CGGBP1: variants seen among roughly 807,000 people sequenced by gnomAD.
CGGBP1 encodes CGG triplet repeat-binding protein 1.
Under a neutral mutation model 11.4 loss-of-function variants are expected in CGGBP1, and 4 were observed. That is an observed-to-expected ratio of 0.35 (90% CI 0.17 to 0.80). CGGBP1 has a LOEUF of 0.80. Among genes scored for constraint, CGGBP1 ranks in the 30% least tolerant of loss-of-function variants. CGGBP1 has a pLI of 0.52. For synonymous variants in CGGBP1, 76 were observed against 74.1 expected, an observed-to-expected ratio of 1.03 and a Z score of -0.13; for missense variants, 135 against 202.1, an observed-to-expected ratio of 0.67 and a Z score of 2.01.
intron 2 of CGGBP1, among the ~76,000 whole-genome samples, chr3:88,137,962 A>G (rs892149160): frequency 6.6e-6 from 1 of 152,144 alleles, no homozygotes; most frequent in Non-Finnish European, 1.5e-5. Context: ...AAGCCTTTAG[A>G]TTATTCCAAA....
At chr3:88,121,783 C>A (rs1012491107) in intron 2 of CGGBP1, among the ~76,000 whole-genome samples, 1 of 152,006 alleles carries the variant, frequency 6.6e-6, no homozygotes, top group African/African-American at 2.4e-5. Context: ...TATTGAAGAC[C>A]TTTTACATTT....
chr3:88,140,949 G>A (rs1422228171), intron 2 of CGGBP1: 1 of 1,613,426 alleles, frequency 6.2e-7, no homozygotes, highest in Admixed American at 1.7e-5. Context: ...ATTAAGATGT[G>A]GCAAATGCCT....
chr3:88,121,236 A>G (rs1365140535), intron 2 of CGGBP1, among the ~76,000 whole-genome samples: 5 of 152,296 alleles, frequency 3.3e-5, no homozygotes, highest in South Asian at 2.1e-4. Context: ...CCTAAAGTCA[A>G]TCTATGTTTT....
At chr3:88,059,655 C>A, upstream of CGGBP1, 1 of 1,239,570 alleles carries the variant, frequency 8.1e-7, no homozygotes, top group Non-Finnish European at 1.0e-6. Context: ...CTCCACTTAT[C>A]CGGCTTGGGG....
chr3:88,106,693 C>G (rs1704760726), intron 2 of CGGBP1, among the ~76,000 whole-genome samples: 1 of 151,990 alleles, frequency 6.6e-6, no homozygotes, highest in Non-Finnish European at 1.5e-5. Context: ...TTGTTTAATG[C>G]TTTTTTAAGC....
At chr3:88,141,761 G>C in intron 1 of CGGBP1, 1 of 812,968 alleles carries the variant, frequency 1.2e-6, no homozygotes, top group East Asian at 2.9e-5. Flanking sequence ...TTTTAGAGTG[G>C]TCTTGGATTA....
At chr3:88,106,282 T>G (rs899818656) in intron 2 of CGGBP1, among the ~76,000 whole-genome samples, 5 of 152,196 alleles carry the variant, frequency 3.3e-5, no homozygotes, top group Non-Finnish European at 7.4e-5. Flanking sequence ...ATTATTGTTA[T>G]AGGGATGTTA....
chr3:88,059,456 G>A (rs1423699173), upstream of CGGBP1: 19 of 1,522,916 alleles, frequency 1.2e-5, no homozygotes, highest in Admixed American at 2.3e-4. Flanking sequence ...GGCAACTGCG[G>A]CGGCGGCGTC....
upstream of CGGBP1, chr3:88,059,612 C>G (rs762156812): frequency 7.2e-7 from 1 of 1,395,486 alleles, no homozygotes; most frequent in Non-Finnish European, 9.3e-7. Context: ...GCCCGCTCCT[C>G]CCCAACAAGG....
intron 2 of CGGBP1, chr3:88,129,553 G>A: frequency 1.5e-6 from 1 of 683,632 alleles, no homozygotes; most frequent in Non-Finnish European, 2.3e-6. Flanking sequence ...AAATATTTCT[G>A]TACAAGTCAT....
intron 2 of CGGBP1, chr3:88,139,118 A>G: frequency 7.8e-7 from 1 of 1,274,250 alleles, no homozygotes; most frequent in Non-Finnish European, 9.9e-7. Context: ...AAAATAATGC[A>G]GGTAATCTAA....
chr3:88,075,679 C>T (rs1179528493), intron 2 of CGGBP1, among the ~76,000 whole-genome samples: 1 of 152,196 alleles, frequency 6.6e-6, no homozygotes, highest in Non-Finnish European at 1.5e-5. Flanking sequence ...TAGGATATGT[C>T]ATTTCAGATA....
intron 2 of CGGBP1, among the ~76,000 whole-genome samples, chr3:88,081,455 T>C (rs1708072061): frequency 3.9e-5 from 6 of 152,218 alleles, no homozygotes; most frequent in Admixed American, 3.9e-4. Context: ...GCAACATTTG[T>C]CATTGTGGTG....
Position 88,055,511 on chromosome 3 carries a change from C to A in CGGBP1, c.466G>T (p.Glu156Ter). Residue 156 changes from glutamate (E) to a stop codon, truncating the protein, a stop_gained, in exon 4 of 4, where the codon GAG (glutamate) becomes TAG (stop). Coordinates refer to ENST00000482016, the MANE Select transcript of CGGBP1 (RefSeq NM_001008390.2). LOFTEE classifies it high-confidence loss of function. The surrounding 1 kb of genome is among the most constrained non-coding windows in gnomAD (Gnocchi z 4.2). Reference protein sequence around the residue: ...LRRAYLPDGYENENQLLNSQD... With the variant: ...LRRAYLPDGY The stretch of plus-strand genomic sequence containing the variant: ...GAGTTGAGGAGTTGATTCTCATTCT[C>A]ATATCCATCAGGAAGATATGCCCTC... 1 of 1,539,392 alleles carries A rather than the reference C, an allele frequency of 6.5e-7. No homozygotes were observed. Among genetic ancestry groups the A allele is most frequent in the Non-Finnish European group, 8.8e-7 (1 of 1,142,098 alleles).
At chr3:88,059,576 G>T, upstream of CGGBP1, 1 of 1,442,384 alleles carries the variant, frequency 6.9e-7, no homozygotes, top group Non-Finnish European at 9.0e-7. Context: ...TGGTCTTCTC[G>T]TCCATGAATC....
At chr3:88,119,228 CT>C (rs1705607211) in intron 2 of CGGBP1, among the ~76,000 whole-genome samples, 1 of 148,174 alleles carries the variant, frequency 6.7e-6, no homozygotes, top group Admixed American at 6.7e-5. Flanking sequence ...AGTTCATGTC[CT>C]TTGTAGGGAC....
chr3:88,060,088 A>G (rs1338838476), upstream of CGGBP1, among the ~76,000 whole-genome samples: 1 of 151,774 alleles, frequency 6.6e-6, no homozygotes, highest in Non-Finnish European at 1.5e-5. Flanking sequence ...CTTTTTTCGG[A>G]CAGAGAGTGC....
Position 88,055,057 on chromosome 3 carries a change from A to T in CGGBP1, c.*416T>A, listed in dbSNP as rs1442993874. ...ATCCTCTAAAGAAAATAATTCCTTT[A>T]AGTTACTGTTAAGTGGTGTTGCCTG... On this transcript the variant is annotated 3_prime_UTR_variant, in exon 4 of 4. Coordinates refer to ENST00000482016, the MANE Select transcript of CGGBP1 (RefSeq NM_001008390.2). This position sits in a 1 kb window ranked among gnomAD's most constrained non-coding sequence, Gnocchi z 4.2. 1.3e-5 allele frequency: 2 copies of T among 155,166 alleles called. No individual in the cohort carries two copies. Among genetic ancestry groups the T allele is most frequent in the African/African-American group, 4.8e-5 (2 of 41,572 alleles). The allele number at this position is 155,166 out of a possible 1,614,324, so 9.6% of individuals were successfully genotyped here. A position where few individuals can be genotyped will look rare whatever the true frequency, so the allele number is the denominator to read the frequency against.
chr3:88,092,125 A>G (rs1354329799), intron 2 of CGGBP1, among the ~76,000 whole-genome samples: 1 of 152,216 alleles, frequency 6.6e-6, no homozygotes, highest in Non-Finnish European at 1.5e-5. Flanking sequence ...GAAGTTAATT[A>G]TATTTTCCAT....
Sources: allele counts gnomAD v4.1 joint callset (sites outside exome capture counted in the v4.1 genomes callset), GRCh38; gene constraint gnomAD v4.1.1; non-coding constraint Gnocchi (gnomAD v3.1); transcripts MANE v1.5; gene names NCBI Gene and HGNC (gene_info 2026-07-23, HGNC 2026-07-21).